The following TXNRD2 variants were observed in gnomAD, a reference collection of about 807,000 sequenced individuals.
TXNRD2 encodes thioredoxin reductase 2, also known as thioredoxin reductase 2, mitochondrial.
A neutral mutation model predicts 70.8 loss-of-function variants in TXNRD2; 67 were observed. That is an observed-to-expected ratio of 0.95 (90% CI 0.78 to 1.16). The LOEUF (loss-of-function observed/expected upper bound fraction) is 1.16, where lower values mean the gene tolerates loss of function less well. Ranked by LOEUF, TXNRD2 falls within the 50% of genes most tolerant of loss-of-function variation. The pLI, the probability that TXNRD2 is intolerant of heterozygous loss-of-function variation, is 0.00. For synonymous variants in TXNRD2, 301 were observed against 295.8 expected (o/e 1.02, Z -0.18); for missense variants, 644 against 719.9 (o/e 0.89, Z 1.21).
chr22:19,888,527 G>A (rs1939126689), intron 11 of TXNRD2, among the ~76,000 whole-genome samples: 1 of 152,264 alleles, frequency 6.6e-6, no homozygotes, highest in South Asian at 2.1e-4. Context: ...AGAAGAGCAA[G>A]GAGGCAGCGC....
chr22:19,933,044 G>A (rs1941424085), intron 1 of TXNRD2, among the ~76,000 whole-genome samples: 1 of 152,206 alleles, frequency 6.6e-6, no homozygotes, highest in Admixed American at 6.5e-5. Flanking sequence ...GCTCACAGCT[G>A]AGAAAGCTTG....
chr22:19,912,492 C>T (rs1324285746), intron 7 of TXNRD2, among the ~76,000 whole-genome samples: 1 of 152,194 alleles, frequency 6.6e-6, no homozygotes, highest in Non-Finnish European at 1.5e-5. Flanking sequence ...CAGGCCAGGG[C>T]CCCTGTGCAG....
At chr22:19,886,408 G>A (rs996470087) in intron 11 of TXNRD2, among the ~76,000 whole-genome samples, 28 of 152,384 alleles carry the variant, frequency 1.8e-4, no homozygotes, top group Admixed American at 1.2e-3. Context: ...CCAATCAGGC[G>A]TCCTAGGCCC....
intron 1 of TXNRD2, among the ~76,000 whole-genome samples, chr22:19,935,298 G>A (rs1160733183): frequency 2.0e-5 from 3 of 152,126 alleles, no homozygotes; most frequent in Non-Finnish European, 2.9e-5. Context: ...ACTGAAATAC[G>A]CCCTGGTCTC....
Position 19,941,751 on chromosome 22 carries a change from C to G in TXNRD2, c.53G>C (p.Arg18Pro). ...LRGLGGRFRW[R>P]TQAVAGGVRG... ...CACCCCGCCCGCCACGGCCTGCGTCCGCCACCGGAAGCGCCCTCCTAATCC... is the reference window on the plus strand; with the variant it reads ...CACCCCGCCCGCCACGGCCTGCGTCGGCCACCGGAAGCGCCCTCCTAATCC... The change falls in exon 1 of 18, where the codon CGG becomes CCG. Residue 18 changes from arginine (R) to proline (P), a missense_variant. Arg to Pro is a moderately radical substitution (Grantham distance 103). Coordinates refer to ENST00000400521, the MANE Select transcript of TXNRD2 (RefSeq NM_006440.5). 1.3e-6 allele frequency: 2 copies of G among 1,503,876 alleles called. No individual in the cohort carries two copies. The highest frequency in any genetic ancestry group is 1.2e-5 in the South Asian group (1 of 80,382). The allele number at this position is 1,503,876 out of a possible 1,614,324, so 93.2% of individuals were successfully genotyped here.
At position 19,915,835 on chromosome 22, in the gene TXNRD2, T is replaced by C; in HGVS notation, c.458A>G (p.Lys153Arg). 1 of 1,614,072 alleles carries C rather than the reference T, an allele frequency of 6.2e-7. No individual in the cohort carries two copies. The highest frequency in any genetic ancestry group is 2.2e-5 in the East Asian group (1 of 44,884). ...AAAGCTGGCTTTGATGTTAAAGTACTTGACTTTTCTGAAAGATAAAGATAA... is the reference window on the plus strand; with the variant it reads ...AAAGCTGGCTTTGATGTTAAAGTACCTGACTTTTCTGAAAGATAAAGATAA... ...HRVQLQDRKV[K>R]YFNIKASFVD... The change falls in exon 6 of 18, where the codon AAG becomes AGG. Residue 153 changes from lysine (K) to arginine (R), a missense_variant. Lys to Arg is a conservative substitution (Grantham distance 26, BLOSUM62 2). Transcript: ENST00000400521.
At chr22:19,925,482 T>C (rs975260048) in intron 2 of TXNRD2, among the ~76,000 whole-genome samples, 5 of 151,744 alleles carry the variant, frequency 3.3e-5, no homozygotes, top group African/African-American at 4.9e-5. Flanking sequence ...AGAAATACAA[T>C]GGGTGAGTAT....
At chr22:19,924,038 G>T (rs953389185) in intron 2 of TXNRD2, among the ~76,000 whole-genome samples, 1 of 150,056 alleles carries the variant, frequency 6.7e-6, no homozygotes, top group African/African-American at 2.5e-5. Flanking sequence ...TCACTTTGTT[G>T]CCCAGGCACT....
At chr22:19,938,409 G>A (rs192101271) in intron 1 of TXNRD2, among the ~76,000 whole-genome samples, 1 of 152,252 alleles carries the variant, frequency 6.6e-6, no homozygotes, top group East Asian at 1.9e-4. Context: ...GCCGCTTATT[G>A]GATTAATGTA....
intron 11 of TXNRD2, among the ~76,000 whole-genome samples, chr22:19,891,189 G>A (rs1023104834): frequency 6.6e-6 from 1 of 152,228 alleles, no homozygotes; most frequent in Non-Finnish European, 1.5e-5. Context: ...GTAAGATCCA[G>A]ACGGATTCCT....
At chr22:19,925,223 G>A (rs974767524) in intron 2 of TXNRD2, among the ~76,000 whole-genome samples, 2 of 151,916 alleles carry the variant, frequency 1.3e-5, no homozygotes, top group East Asian at 3.8e-4. Context: ...GGCAGAGCTT[G>A]CAGTGAGCTG....
rs1166153680 is a variant in TXNRD2 at position 19,881,725 on chromosome 22, C to T, written c.1087-1008G>A. On this transcript the variant is annotated intron_variant, in intron 12 of 17. Coordinates refer to ENST00000400521, the MANE Select transcript of TXNRD2 (RefSeq NM_006440.5). ...ATGCACATGGCACTGTCTCAGGGTG[C>T]AGCGCCCACAGGATTCAACAGACCC... 2.0e-5 allele frequency among the ~76,000 whole-genome samples: 3 copies of T among 152,246 alleles called. No individual in the cohort carries two copies. In the East Asian group the frequency reaches 5.8e-4, roughly 29 times the overall value.
chr22:19,939,826 A>G (rs1319196567), intron 1 of TXNRD2, among the ~76,000 whole-genome samples: 3 of 152,206 alleles, frequency 2.0e-5, no homozygotes, highest in African/African-American at 7.2e-5. Flanking sequence ...TAAAAAGAGG[A>G]GTAATAGGAG....
intron 1 of TXNRD2, among the ~76,000 whole-genome samples, chr22:19,933,865 C>T (rs928190246): frequency 1.3e-5 from 2 of 152,172 alleles, no homozygotes; most frequent in African/African-American, 4.8e-5. Flanking sequence ...CCAGGCATAC[C>T]CTCTCCACCT....
At chr22:19,921,475 G>A (rs1254758415) in intron 2 of TXNRD2, among the ~76,000 whole-genome samples, 2 of 151,346 alleles carry the variant, frequency 1.3e-5, no homozygotes, top group Admixed American at 1.3e-4. Context: ...GACCACGATG[G>A]AGCAGCAGGG....
At chr22:19,885,159 G>T (rs1466524895) in intron 11 of TXNRD2, among the ~76,000 whole-genome samples, 1 of 152,192 alleles carries the variant, frequency 6.6e-6, no homozygotes, top group African/African-American at 2.4e-5. Context: ...CCCTAACTCA[G>T]ATGGGTGTGA....
At chr22:19,911,623 T>C (rs1243563038) in intron 7 of TXNRD2, among the ~76,000 whole-genome samples, 176 bp from the exon 8 acceptor site, 1 of 152,158 alleles carries the variant, frequency 6.6e-6, no homozygotes, top group Non-Finnish European at 1.5e-5. Context: ...GGGCTGCAGG[T>C]GGCCTGTCTG....
chr22:19,919,090 T>A, intron 3 of TXNRD2, 86 bp from the exon 4 acceptor site: 1 of 1,409,748 alleles, frequency 7.1e-7, no homozygotes, highest in Non-Finnish European at 9.7e-7. Context: ...TGGAATTCCT[T>A]AAAGTTGCTT....
In TXNRD2 at chr22:19,911,450, G is replaced by C. The variant is rs1940408375; in HGVS notation, c.592-3C>G. On this transcript the variant is annotated splice_region_variant and splice_polypyrimidine_tract_variant and intron_variant, in intron 7 of 17. Transcript: ENST00000400521. ...CCATATTCCAAGGCACCTTCGATCT[G>C]TCAAGACAGAAATGACCCCTTGGAC... 6.2e-7 allele frequency: 1 copy of C among 1,612,794 alleles called. No homozygotes were observed. Among genetic ancestry groups the C allele is most frequent in the African/African-American group, 1.3e-5 (1 of 74,902 alleles).
Sources: gnomAD v4.1 joint callset for allele counts (sites outside exome capture counted in the v4.1 genomes callset) on GRCh38, gnomAD v4.1.1 for gene constraint, MANE v1.5 for transcripts, NCBI Gene and HGNC (gene_info 2026-07-23, HGNC 2026-07-21) for gene names.